The following EBF1 variants were observed in gnomAD, a reference collection of about 807,000 sequenced individuals.
The protein encoded by EBF1 is transcription factor COE1.
In EBF1, 10 loss-of-function variants were observed where a neutral mutation model predicts 68.4. That is an observed-to-expected ratio of 0.15 (90% CI 0.09 to 0.25). EBF1 has a LOEUF of 0.25. EBF1 is among the 10% of genes least tolerant of loss of function. The pLI, the probability that EBF1 is intolerant of heterozygous loss-of-function variation, is 1.00. For missense variants in EBF1, 509 were observed against 794.4 expected (o/e 0.64, Z 4.32); for synonymous variants, 298 against 299.8 (o/e 0.99, Z 0.06).
intron 6 of EBF1, among the ~76,000 whole-genome samples, chr5:158,960,477 T>A (rs557541681): frequency 6.6e-4 from 100 of 152,168 alleles, no homozygotes; most frequent in African/African-American, 2.3e-3. Flanking sequence ...ACTCTAAAAC[T>A]GGAAATGATT....
At chr5:158,732,409 A>ATGT (rs1764286709) in intron 10 of EBF1, among the ~76,000 whole-genome samples, 1 of 152,196 alleles carries the variant, frequency 6.6e-6, no homozygotes, top group South Asian at 2.1e-4. Context: ...TTCAAAATAC[A>ATGT]GGTATGATAA....
chr5:158,892,246 T>C (rs1801317708), intron 6 of EBF1, among the ~76,000 whole-genome samples: 1 of 152,172 alleles, frequency 6.6e-6, no homozygotes. Context: ...CCCATCACTT[T>C]AGGAGGCTGA....
intron 9 of EBF1, among the ~76,000 whole-genome samples, chr5:158,795,175 C>T (rs1779391437): frequency 6.6e-6 from 1 of 152,194 alleles, no homozygotes; most frequent in Non-Finnish European, 1.5e-5. Context: ...ACTTTCTGCT[C>T]ATCTGCATGG....
chr5:158,732,721 C>T (rs1384891269), intron 10 of EBF1, among the ~76,000 whole-genome samples: 2 of 152,046 alleles, frequency 1.3e-5, no homozygotes, highest in African/African-American at 4.8e-5. Context: ...TTTTTCTTCA[C>T]TTGTATATTT....
chr5:159,091,010 T>C (rs1781524342), intron 4 of EBF1, among the ~76,000 whole-genome samples: 1 of 152,310 alleles, frequency 6.6e-6, no homozygotes, highest in African/African-American at 2.4e-5. Context: ...AGATCATTCT[T>C]GCTCAACAAC....
chr5:159,024,621 G>A (rs944164289), intron 6 of EBF1, among the ~76,000 whole-genome samples: 2 of 152,206 alleles, frequency 1.3e-5, no homozygotes, highest in Non-Finnish European at 2.9e-5. Flanking sequence ...TATGCCACAG[G>A]CTGGGAGTCA....
At chr5:158,861,854 A>G (rs1369285964) in intron 6 of EBF1, among the ~76,000 whole-genome samples, 1 of 152,122 alleles carries the variant, frequency 6.6e-6, no homozygotes. Context: ...AAAAAAAAAA[A>G]ATGTTTAAAA....
rs201916971 is a variant in EBF1 at position 159,097,134 on chromosome 5, C to T, written c.135-4G>A. 16 of 1,612,790 alleles carry T rather than the reference C, an allele frequency of 9.9e-6. No individual in the cohort carries two copies. In the East Asian group the frequency reaches 3.1e-4, roughly 31 times the overall value. ...AGCCCGGGCCAGACCCACCCCGCTG[C>T]GGCCAAAGACGCAGAGTTAGATGGC... is the stretch of plus-strand genomic sequence containing the variant. On this transcript the variant is annotated splice_region_variant and splice_polypyrimidine_tract_variant and intron_variant, in intron 1 of 15. Transcript: ENST00000313708.
At chr5:158,928,001 A>G (rs1225340689) in intron 6 of EBF1, among the ~76,000 whole-genome samples, 1 of 152,216 alleles carries the variant, frequency 6.6e-6, no homozygotes, top group East Asian at 1.9e-4. Context: ...ACACCACTCT[A>G]TAATGTTCTA....
chr5:158,873,634 T>A (rs1018904648), intron 6 of EBF1, among the ~76,000 whole-genome samples: 1 of 152,132 alleles, frequency 6.6e-6, no homozygotes, highest in Non-Finnish European at 1.5e-5. Flanking sequence ...TTTTAAAAAT[T>A]TACTAAATTT....
At chr5:158,881,649 A>G (rs1798930596) in intron 6 of EBF1, among the ~76,000 whole-genome samples, 1 of 152,220 alleles carries the variant, frequency 6.6e-6, no homozygotes, top group African/African-American at 2.4e-5. Context: ...AGAAGTCTCC[A>G]CATCACCTCT....
chr5:158,751,905 G>A (rs972339544), intron 10 of EBF1, among the ~76,000 whole-genome samples: 1 of 151,996 alleles, frequency 6.6e-6, no homozygotes, highest in Admixed American at 6.6e-5. Context: ...AGCTTAAGTC[G>A]AGACTCAGGA....
At chr5:158,962,633 G>A (rs1413952617) in intron 6 of EBF1, among the ~76,000 whole-genome samples, 1 of 152,042 alleles carries the variant, frequency 6.6e-6, no homozygotes, top group Non-Finnish European at 1.5e-5. Flanking sequence ...TTCTGTACTG[G>A]GCTTATAAGA....
chr5:158,923,647 T>C (rs541752913), intron 6 of EBF1, among the ~76,000 whole-genome samples: 26 of 152,194 alleles, frequency 1.7e-4, no homozygotes, highest in Non-Finnish European at 8.8e-5. Context: ...ACTATTAGTT[T>C]CCTTAAGTCT....
chr5:158,853,557 G>A (rs1054036248), intron 6 of EBF1, among the ~76,000 whole-genome samples: 1 of 152,148 alleles, frequency 6.6e-6, no homozygotes, highest in Non-Finnish European at 1.5e-5. Flanking sequence ...GCTTTCATAG[G>A]TGGGGAGGAG....
At chr5:158,927,416 T>C (rs1279296580) in intron 6 of EBF1, among the ~76,000 whole-genome samples, 1 of 152,182 alleles carries the variant, frequency 6.6e-6, no homozygotes, top group Non-Finnish European at 1.5e-5. Context: ...CCCCAAACAG[T>C]GCCTGAAATT....
At chr5:158,916,710 A>C (rs1377109906) in intron 6 of EBF1, among the ~76,000 whole-genome samples, 1 of 152,164 alleles carries the variant, frequency 6.6e-6, no homozygotes, top group Admixed American at 6.5e-5. Flanking sequence ...TCCATGTTAT[A>C]ACTGTGTGCT....
At chr5:159,006,690 T>C (rs1203796659) in intron 6 of EBF1, among the ~76,000 whole-genome samples, 1 of 129,578 alleles carries the variant, frequency 7.7e-6, no homozygotes, top group Admixed American at 8.3e-5. Context: ...TGGGAATCTC[T>C]TGGGTTCTCA....
intron 6 of EBF1, among the ~76,000 whole-genome samples, chr5:159,065,819 A>C (rs952404537): frequency 6.6e-6 from 1 of 152,202 alleles, no homozygotes; most frequent in African/African-American, 2.4e-5. Context: ...GTTAAAGAAA[A>C]CAATAAAAGA....
Sources: allele counts gnomAD v4.1 joint callset (sites outside exome capture counted in the v4.1 genomes callset), GRCh38; gene constraint gnomAD v4.1.1; transcripts MANE v1.5; gene names NCBI Gene and HGNC (gene_info 2026-07-23, HGNC 2026-07-21).